XPR1: variants seen among roughly 807,000 people sequenced by gnomAD.
The protein encoded by XPR1 is xenotropic and polytropic retrovirus receptor 1.
Under a neutral mutation model 87.5 loss-of-function variants are expected in XPR1, and 28 were observed. That is an observed-to-expected ratio of 0.32 (90% CI 0.24 to 0.44). XPR1 has a LOEUF of 0.44. XPR1 is among the 20% of genes least tolerant of loss of function. The pLI is 1.00. For missense variants in XPR1, 559 were observed against 862.3 expected, an observed-to-expected ratio of 0.65 and a Z score of 4.41; for synonymous variants, 300 against 306.1, an observed-to-expected ratio of 0.98 and a Z score of 0.21.
At chr1:180,788,000 A>G (rs1034401534) in intron 3 of XPR1, 146 bp downstream of exon 3, 3 of 645,330 alleles carry the variant, frequency 4.6e-6, no homozygotes. Flanking sequence ...GAGCTGGGAT[A>G]AGAACACGTC....
intron 1 of XPR1, among the ~76,000 whole-genome samples, chr1:180,645,815 A>G (rs1174796469): frequency 1.3e-5 from 2 of 152,230 alleles, no homozygotes; most frequent in Admixed American, 6.5e-5. Context: ...GACACAGTAC[A>G]TAGACTCAAC....
At chr1:180,637,689 C>T (rs1420937776) in intron 1 of XPR1, among the ~76,000 whole-genome samples, 1 of 152,064 alleles carries the variant, frequency 6.6e-6, no homozygotes, top group Non-Finnish European at 1.5e-5. Flanking sequence ...AAGTAGCTGG[C>T]ATTACAGGCG....
Position 180,642,844 on chromosome 1 carries a change from G to A in XPR1, c.69+10574G>A, listed in dbSNP as rs116676967. On this transcript the variant is annotated intron_variant, in intron 1 of 14. Coordinates refer to ENST00000367590, the MANE Select transcript of XPR1 (RefSeq NM_004736.4). ...TATCTTGGAAGGATCTGCAGAGGTG[G>A]TGTTTGAAATGGGTACTAGAGATTG... is the stretch of plus-strand genomic sequence containing the variant. 7.9e-3 allele frequency among the ~76,000 whole-genome samples: 1,199 copies of A among 152,212 alleles called. 16 individuals are homozygous for A. The highest frequency in any genetic ancestry group is 0.028 in the African/African-American group (1,146 of 41,536).
At chr1:180,747,163 G>A (rs1647288752) in intron 2 of XPR1, among the ~76,000 whole-genome samples, 1 of 152,116 alleles carries the variant, frequency 6.6e-6, no homozygotes, top group African/African-American at 2.4e-5. Flanking sequence ...AAGAAGCTAA[G>A]TGTTATTCAG....
At chr1:180,780,826 C>T (rs991019054) in intron 2 of XPR1, among the ~76,000 whole-genome samples, 1 of 151,228 alleles carries the variant, frequency 6.6e-6, no homozygotes, top group Non-Finnish European at 1.5e-5. Flanking sequence ...GGATACTAAA[C>T]CCTTGTCAGA....
chr1:180,662,577 G>C (rs931693913), intron 1 of XPR1, among the ~76,000 whole-genome samples: 1 of 152,132 alleles, frequency 6.6e-6, no homozygotes, highest in East Asian at 1.9e-4. Context: ...ACCTTTGGGA[G>C]TTTAATTATT....
At chr1:180,759,386 AAAG>A (rs1647898933) in intron 2 of XPR1, among the ~76,000 whole-genome samples, 1 of 152,220 alleles carries the variant, frequency 6.6e-6, no homozygotes, top group South Asian at 2.1e-4. Flanking sequence ...ATAAAGAAGA[AAAG>A]AGAGAAGAAT....
intron 2 of XPR1, among the ~76,000 whole-genome samples, chr1:180,783,910 C>T (rs889783424): frequency 3.3e-5 from 5 of 151,716 alleles, no homozygotes; most frequent in Admixed American, 2.0e-4. Context: ...CAAAAATTAG[C>T]GGGGCATGAT....
chr1:180,726,884 T>C (rs1658371448), intron 2 of XPR1, among the ~76,000 whole-genome samples: 1 of 151,930 alleles, frequency 6.6e-6, no homozygotes, highest in South Asian at 2.1e-4. Context: ...CTTTCTTTTT[T>C]TTTTTTTTGA....
rs747778450 is a variant in XPR1 at position 180,884,069 on chromosome 1, T to A, written c.*3T>A. 1.8e-5 allele frequency: 29 copies of A among 1,613,880 alleles called. No individual in the cohort carries two copies. The highest frequency in any genetic ancestry group is 2.5e-5 in the Non-Finnish European group (29 of 1,179,846). The stretch of plus-strand genomic sequence containing the variant: ...CAGATGATGAAGCTAACACTTGAAT[T>A]TTCTGAAGTCTAGCTTAACATCTTT... On this transcript the variant is annotated 3_prime_UTR_variant, in exon 15 of 15. Coordinates refer to ENST00000367590, the MANE Select transcript of XPR1 (RefSeq NM_004736.4).
At chr1:180,803,709 A>G (rs535208390) in intron 4 of XPR1, 98 bp downstream of exon 4, 2 of 1,013,948 alleles carry the variant, frequency 2.0e-6, no homozygotes, top group Non-Finnish European at 2.9e-6. Context: ...GTCAGTTCCA[A>G]AAAGGAAAAT....
chr1:180,806,625 C>A, intron 6 of XPR1, 68 bp downstream of exon 6: 1 of 1,392,080 alleles, frequency 7.2e-7, no homozygotes, highest in Non-Finnish European at 9.8e-7. Flanking sequence ...ATTTAGCTGG[C>A]CCCATTATCT....
chr1:180,736,811 TGTG>T lies in XPR1; in HGVS notation c.122-50941_122-50939del, dbSNP rs1236922723. On this transcript the variant is annotated intron_variant, in intron 2 of 14. Transcript: ENST00000367590. ...GAGACCAAAAAGAGATGAGACATTATGTGTTCAACAGTGAGCAGGTATACGCAG... is the reference window on the plus strand; with the variant it reads ...GAGACCAAAAAGAGATGAGACATTATTTCAACAGTGAGCAGGTATACGCAG... 2.6e-5 allele frequency among the ~76,000 whole-genome samples: 4 copies of T among 152,156 alleles called. No individual in the cohort carries two copies. The East Asian group carries it at 7.7e-4, about 29-fold the overall frequency.
chr1:180,820,362 T>A (rs1316889190), intron 7 of XPR1, among the ~76,000 whole-genome samples: 1 of 152,168 alleles, frequency 6.6e-6, no homozygotes, highest in East Asian at 1.9e-4. Flanking sequence ...TGTCCATAAA[T>A]GGTGTCATAC....
intron 9 of XPR1, among the ~76,000 whole-genome samples, chr1:180,831,008 T>A (rs549821551): frequency 2.0e-5 from 3 of 152,348 alleles, no homozygotes; most frequent in Non-Finnish European, 2.9e-5. Context: ...TACTGCCCAA[T>A]ACATTTAATA....
chr1:180,756,307 C>G (rs954215475), intron 2 of XPR1, among the ~76,000 whole-genome samples: 1 of 152,288 alleles, frequency 6.6e-6, no homozygotes, highest in African/African-American at 2.4e-5. Flanking sequence ...TTGTCATTTT[C>G]TAAGTTTTAA....
At chr1:180,751,885 C>T (rs960015619) in intron 2 of XPR1, among the ~76,000 whole-genome samples, 2 of 152,038 alleles carry the variant, frequency 1.3e-5, no homozygotes, top group African/African-American at 2.4e-5. Context: ...TCATCTTTCA[C>T]ATAGACTATT....
rs1275372609 is a variant in XPR1, at chr1:180,887,751, C to G, written c.*3685C>G. 6.6e-6 allele frequency: 1 copy of G among 152,194 alleles called. No homozygotes were observed. Among genetic ancestry groups the G allele is most frequent in the Non-Finnish European group, 1.5e-5 (1 of 68,036 alleles). The allele number at this position is 152,194 out of a possible 1,614,324, so 9.4% of individuals were successfully genotyped here. ...CCCCAGCCCCTAGGATCCCTGACTT[C>G]CTGATATTCTAAACATGAGAGTTCT... On this transcript the variant is annotated 3_prime_UTR_variant, in exon 15 of 15. Transcript: ENST00000367590.
At chr1:180,862,940 G>T (rs1652268265) in intron 11 of XPR1, among the ~76,000 whole-genome samples, 2 of 152,048 alleles carry the variant, frequency 1.3e-5, no homozygotes, top group African/African-American at 4.8e-5. Flanking sequence ...AATTTCATTA[G>T]ATAGTATATG....
Sources: allele counts gnomAD v4.1 joint callset (sites outside exome capture counted in the v4.1 genomes callset), GRCh38; gene constraint gnomAD v4.1.1; transcripts MANE v1.5; gene names NCBI Gene and HGNC (gene_info 2026-07-23, HGNC 2026-07-21).